Variants in LNPEP observed in about 807,000 individuals in gnomAD.
LNPEP encodes leucyl-cystinyl aminopeptidase.
A neutral mutation model predicts 120.6 loss-of-function variants in LNPEP; 64 were observed. That is an observed-to-expected ratio of 0.53 (90% confidence interval 0.43 to 0.65). The LOEUF is 0.65. Ranked by LOEUF, LNPEP falls within the 30% of genes least tolerant of loss-of-function variation. LNPEP has a pLI of 0.00. For synonymous variants in LNPEP, 435 were observed against 425.4 expected (o/e 1.02, Z -0.28); for missense variants, 1,057 against 1,200.0 (o/e 0.88, Z 1.76).
chr5:97,006,944 T>C (rs559204009), intron 11 of LNPEP, among the ~76,000 whole-genome samples: 1 of 152,250 alleles, frequency 6.6e-6, no homozygotes, highest in African/African-American at 2.4e-5. Context: ...TAAATAGTTA[T>C]TGCAATATGC....
chr5:97,014,886 ACTT>A (rs1452957834), intron 12 of LNPEP, 50 bp from the exon 13 acceptor site: 47 of 1,313,964 alleles, frequency 3.6e-5, no homozygotes, highest in Middle Eastern at 2.0e-4. Flanking sequence ...GCATGCATAG[ACTT>A]CTTCTGTGTG....
intron 1 of LNPEP, among the ~76,000 whole-genome samples, chr5:96,963,398 T>A (rs1194678796): frequency 6.6e-6 from 1 of 152,168 alleles, no homozygotes; most frequent in African/African-American, 2.4e-5. Context: ...TTGCATGAGG[T>A]CACTCTTGTA....
intron 11 of LNPEP, among the ~76,000 whole-genome samples, chr5:97,011,610 A>G (rs1309882069): frequency 6.6e-6 from 1 of 152,184 alleles, no homozygotes; most frequent in African/African-American, 2.4e-5. Context: ...GGATTAGCTA[A>G]TGATAAAGTT....
At chr5:96,986,702 G>T (rs1475025154) in intron 4 of LNPEP, 32 bp downstream of exon 4, 1 of 1,609,236 alleles carries the variant, frequency 6.2e-7, no homozygotes. Flanking sequence ...CTGAAAGCCT[G>T]TGTCACAAGA....
At chr5:96,949,514 A>G (rs1789275490) in intron 1 of LNPEP, among the ~76,000 whole-genome samples, 1 of 152,208 alleles carries the variant, frequency 6.6e-6, no homozygotes. Flanking sequence ...GTCTGTGGAA[A>G]AATTGTCTTC....
chr5:96,979,911 G>A lies in LNPEP; in HGVS notation c.793G>A (p.Ala265Thr). The change falls in exon 2 of 18, where the codon GCA (alanine) becomes ACA (threonine). Residue 265 changes from alanine to threonine, a missense_variant. By Grantham distance (58) the Ala-to-Thr change is moderately conservative. Coordinates refer to ENST00000231368, the MANE Select transcript of LNPEP (RefSeq NM_005575.3). ...HNYTLKIEYS[A>T]NISSSYYGFY... ...TTATACGTTGAAGATAGAGTACTCG[G>A]CAAATATATCTAGTTCTTATTATGG... 1 of 1,613,580 alleles carries A rather than the reference G, an allele frequency of 6.2e-7. No homozygotes were observed. The highest frequency in any genetic ancestry group is 2.2e-5 in the East Asian group (1 of 44,858).
In LNPEP at chr5:97,022,377, G is replaced by A; in HGVS notation, c.2454G>A (p.Glu818=). The part of the protein sequence containing the change: ...WTDEGTPSMR[E]LRSALLEFAC... ...ATGAGGGCACTCCATCTATGCGAGA[G>A]CTTCGGTCAGCCCTGCTAGAGTTTG... Residue 818 remains glutamate (E), a synonymous_variant, in exon 14 of 18, where the codon GAG becomes GAA. Coordinates refer to ENST00000231368, the MANE Select transcript of LNPEP (RefSeq NM_005575.3). 1 of 1,613,894 alleles carries A rather than the reference G, an allele frequency of 6.2e-7. No homozygotes were observed. The highest frequency in any genetic ancestry group is 1.3e-5 in the African/African-American group (1 of 75,034).
intron 1 of LNPEP, among the ~76,000 whole-genome samples, chr5:96,971,345 T>TATTTG (rs1554067378): frequency 2.1e-5 from 3 of 142,824 alleles, no homozygotes; most frequent in African/African-American, 7.8e-5. Context: ...ACATTATTAT[T>TATTTG]TGTGTGTGTG....
In LNPEP at chr5:97,032,269, T is replaced by A. The variant is rs1346205683; in HGVS notation, c.*3736T>A. 1 of 152,238 alleles carries A rather than the reference T, an allele frequency of 6.6e-6. No individual in the cohort carries two copies. The highest frequency in any genetic ancestry group is 1.5e-5 in the Non-Finnish European group (1 of 68,030). The allele number at this position is 152,238 out of a possible 1,614,324, so 9.4% of individuals were successfully genotyped here. Reference sequence around the variant, plus strand: ...TCCCCCTTCATCCCATTTGTATTTTTAAAAACTAAGTTATATATATATTTG... The same window carrying A: ...TCCCCCTTCATCCCATTTGTATTTTAAAAAACTAAGTTATATATATATTTG... On this transcript the variant is annotated 3_prime_UTR_variant, in exon 18 of 18. Coordinates refer to ENST00000231368, the MANE Select transcript of LNPEP (RefSeq NM_005575.3).
chr5:96,954,763 T>C (rs1163423656), intron 1 of LNPEP, among the ~76,000 whole-genome samples: 2 of 39,864 alleles, frequency 5.0e-5, no homozygotes, highest in Non-Finnish European at 1.1e-4. Context: ...TATATATATA[T>C]ATATATATAT....
intron 4 of LNPEP, among the ~76,000 whole-genome samples, chr5:96,992,170 G>T (rs1051912587): frequency 6.6e-6 from 1 of 152,156 alleles, no homozygotes; most frequent in Non-Finnish European, 1.5e-5. Flanking sequence ...AAAAAAGAGA[G>T]AGTGAGCAAG....
intron 9 of LNPEP, 90 bp downstream of exon 9, chr5:97,003,636 T>G: frequency 1.1e-6 from 1 of 874,524 alleles, no homozygotes; most frequent in Non-Finnish European, 1.7e-6. Flanking sequence ...TAAGTTAATC[T>G]GTGGTACAAA....
chr5:97,020,306 T>C (rs541698525), intron 13 of LNPEP, among the ~76,000 whole-genome samples: 5 of 152,260 alleles, frequency 3.3e-5, no homozygotes, highest in Admixed American at 1.3e-4. Flanking sequence ...TGTGAAGAAC[T>C]TGAGCTAAAC....
At chr5:96,951,981 T>C (rs1581978903) in intron 1 of LNPEP, among the ~76,000 whole-genome samples, 1 of 152,140 alleles carries the variant, frequency 6.6e-6, no homozygotes, top group East Asian at 1.9e-4. Context: ...AACATTTTGG[T>C]TTTAGAATCT....
chr5:96,972,050 A>C (rs1789878406), intron 1 of LNPEP, among the ~76,000 whole-genome samples: 1 of 152,072 alleles, frequency 6.6e-6, no homozygotes, highest in Non-Finnish European at 1.5e-5. Context: ...GAATAGTGTC[A>C]ATGGCACATG....
At chr5:96,969,019 G>A (rs1410971719) in intron 1 of LNPEP, among the ~76,000 whole-genome samples, 2 of 152,040 alleles carry the variant, frequency 1.3e-5, no homozygotes, top group African/African-American at 4.8e-5. Flanking sequence ...GCTGTGACCT[G>A]AACAACTGCA....
chr5:96,978,985 T>A (rs1790061582), intron 1 of LNPEP, among the ~76,000 whole-genome samples, 153 bp from the exon 2 acceptor site: 2 of 152,238 alleles, frequency 1.3e-5, no homozygotes, highest in Non-Finnish European at 2.9e-5. Flanking sequence ...TATAAACATC[T>A]TATTTAATTC....
chr5:96,943,643 T>A (rs958466010), intron 1 of LNPEP, among the ~76,000 whole-genome samples: 2 of 152,194 alleles, frequency 1.3e-5, no homozygotes, highest in African/African-American at 2.4e-5. Flanking sequence ...CTGGTGCTTG[T>A]GATAGAACAA....
rs1271560126 is a variant in LNPEP at position 96,954,623 on chromosome 5, TATATATATAC to T, written c.19+18457_19+18466del. ...GTCTCTCTCTCTCTCTCTCTCTATA[TATATATATAC>T]ATATATACATATATACATATATACA... On this transcript the variant is annotated intron_variant, in intron 1 of 17. Coordinates refer to ENST00000231368, the MANE Select transcript of LNPEP (RefSeq NM_005575.3). 2.0e-3 allele frequency among the ~76,000 whole-genome samples: 150 copies of T among 74,320 alleles called. 12 individuals carry two copies. The highest frequency in any genetic ancestry group is 0.014 in the South Asian group (36 of 2,502). 48.8% of individuals were successfully genotyped at this position (74,320 alleles called of 152,430 possible). A position where few individuals can be genotyped will look rare whatever the true frequency, so the allele number is the denominator to read the frequency against.
Sources: gnomAD v4.1 joint callset for allele counts (sites outside exome capture counted in the v4.1 genomes callset) on GRCh38, gnomAD v4.1.1 for gene constraint, MANE v1.5 for transcripts, NCBI Gene and HGNC (gene_info 2026-07-23, HGNC 2026-07-21) for gene names.